RNFT1: variants seen among roughly 807,000 people sequenced by gnomAD.
RNFT1 encodes the protein ring finger protein, transmembrane 1, also known as E3 ubiquitin-protein ligase RNFT1.
A neutral mutation model predicts 53.2 loss-of-function variants in RNFT1; 35 were observed. That is an observed-to-expected ratio of 0.66 (90% confidence interval 0.50 to 0.87). RNFT1 has a LOEUF of 0.87. Among genes scored for constraint, RNFT1 ranks in the 40% least tolerant of loss-of-function variants. RNFT1 has a pLI of 0.00. For missense variants in RNFT1, 421 were observed against 515.0 expected (o/e 0.82, Z 1.77); for synonymous variants, 141 against 172.8 (o/e 0.82, Z 1.44).
In RNFT1 at chr17:59,964,736, A is replaced by G. The variant is rs2045323837; in HGVS notation, c.-73T>C. 2.1e-6 allele frequency: 3 copies of G among 1,455,804 alleles called. No homozygotes were observed. The highest frequency in any genetic ancestry group is 2.7e-6 in the Non-Finnish European group (3 of 1,091,316). 90.2% of individuals were successfully genotyped at this position (1,455,804 alleles called of 1,614,324 possible). A position where few individuals can be genotyped will look rare whatever the true frequency, so the allele number is the denominator to read the frequency against. On this transcript the variant is annotated 5_prime_UTR_variant, in exon 1 of 9. Transcript: ENST00000305783. ...AAGCTCTTCTCTCAGCCCGGCGGCA[A>G]CGGCGGCGGCGCGCGCGCTCCCCGG... is the stretch of plus-strand genomic sequence containing the variant.
Position 59,963,229 on chromosome 17 carries a change from T to C in RNFT1, c.112A>G (p.Met38Val), listed in dbSNP as rs1170346394. 6.2e-7 allele frequency: 1 copy of C among 1,613,924 alleles called. No homozygotes were observed. The highest frequency in any genetic ancestry group is 8.5e-7 in the Non-Finnish European group (1 of 1,180,024). Residue 38 changes from methionine to valine, a missense_variant, in exon 2 of 9, where the codon ATG becomes GTG. Transcript: ENST00000305783. ...SGSEKKYLRA[M>V]QANRSQLHSP... is the part of the protein sequence containing the mutation. ...TGCAGTTGGCTACGATTGGCTTGCA[T>C]GGCCCTTAAATACTTTTTCTCTGAC... is the stretch of plus-strand genomic sequence containing the variant.
chr17:59,957,777 G>A (rs1224328154), intron 5 of RNFT1, among the ~76,000 whole-genome samples: 8 of 152,036 alleles, frequency 5.3e-5, no homozygotes, highest in Admixed American at 2.0e-4. Context: ...CCCAGGAGGC[G>A]GAGGTTGCAG....
intron 5 of RNFT1, 69 bp downstream of exon 5, chr17:59,958,222 A>C: frequency 6.9e-7 from 1 of 1,444,238 alleles, no homozygotes; most frequent in Non-Finnish European, 9.3e-7. Flanking sequence ...GATTCATTTA[A>C]ACAAAGACTA....
chr17:59,958,297 T>A lies in RNFT1; in HGVS notation c.840A>T (p.Lys280Asn), dbSNP rs1484827586. 6.3e-7 allele frequency: 1 copy of A among 1,591,036 alleles called. No homozygotes were observed. Among genetic ancestry groups the A allele is most frequent in the Admixed American group, 1.9e-5 (1 of 52,376 alleles). Reference sequence around the variant, plus strand: ...GCATAAGTGAGTTTCTTACCTTAGATTTAAAAGGCATGATGAAAGAAGGCA... The same window carrying A: ...GCATAAGTGAGTTTCTTACCTTAGAATTAAAAGGCATGATGAAAGAAGGCA... ...LLVPSFIMPF[K>N]SKGYWYMLLE... Residue 280 changes from lysine to asparagine, a missense_variant, in exon 5 of 9, where the codon AAA (lysine) becomes AAT (asparagine). Physicochemically the swap from Lys to Asn is moderately conservative, Grantham distance 94 (BLOSUM62 0). Coordinates refer to ENST00000305783, the MANE Select transcript of RNFT1 (RefSeq NM_016125.4).
At chr17:59,953,191 T>A (rs1410140972) in intron 8 of RNFT1, 80 bp from the exon 9 acceptor site, 20 of 57,872 alleles carry the variant, frequency 3.5e-4, no homozygotes, top group Middle Eastern at 2.8e-3. Context: ...AAAGGGATTC[T>A]TTTTTTTTTT....
chr17:59,953,999 C>A (rs779461386), intron 8 of RNFT1, 46 bp downstream of exon 8: 1 of 1,202,708 alleles, frequency 8.3e-7, no homozygotes, highest in Non-Finnish European at 1.2e-6. Flanking sequence ...TTGCAAGTCA[C>A]AGAGAACTGT....
chr17:59,953,189 T>TA, intron 8 of RNFT1, 78 bp from the exon 9 acceptor site: 29 of 1,107,062 alleles, frequency 2.6e-5, no homozygotes, highest in Non-Finnish European at 3.3e-5. Flanking sequence ...TGAAAGGGAT[T>TA]CTTTTTTTTT....
rs1374471317 is a variant in RNFT1, at chr17:59,962,831, T to C, written c.510A>G (p.Ile170Met). ...ILSVKLVMQHITGISLGIGLL... is the reference protein window; with the variant it reads ...ILSVKLVMQHMTGISLGIGLL... ...CAATGTTTTATTATGTCCTACCTGT[T>C]ATATGCTGCATAACAAGTTTGACGC... Residue 170 changes from isoleucine (I) to methionine (M), a missense_variant, in exon 2 of 9, where the codon ATA (isoleucine) becomes ATG (methionine). Ile to Met is a conservative substitution (Grantham distance 10, BLOSUM62 1). Transcript: ENST00000305783. The C allele has an allele frequency of 6.8e-6, 11 of 1,609,704 alleles. No individual in the cohort carries two copies. Among genetic ancestry groups the C allele is most frequent in the East Asian group, 2.2e-5 (1 of 44,786 alleles).
At chr17:59,956,451 G>T (rs751208395) in intron 7 of RNFT1, 37 bp downstream of exon 7, 3 of 1,455,620 alleles carry the variant, frequency 2.1e-6, no homozygotes, top group Non-Finnish European at 2.9e-6. Flanking sequence ...GTGAAGAAAG[G>T]TGAAGGTGTT....
At chr17:59,963,494 C>CA (rs372745973) in intron 1 of RNFT1, among the ~76,000 whole-genome samples, 6,641 of 142,966 alleles carry the variant, frequency 0.046, 485 homozygotes, top group African/African-American at 0.16. Context: ...ACATTTGCAC[C>CA]AAAAAAAAAA....
intron 7 of RNFT1, among the ~76,000 whole-genome samples, chr17:59,956,131 G>A (rs1400759790): frequency 6.6e-6 from 1 of 152,074 alleles, no homozygotes; most frequent in Non-Finnish European, 1.5e-5. Flanking sequence ...GAGTTAATAG[G>A]AACAAACAAA....
At chr17:59,958,182 A>G (rs1315937956) in intron 5 of RNFT1, 109 bp downstream of exon 5, 10 of 1,076,206 alleles carry the variant, frequency 9.3e-6, no homozygotes, top group Non-Finnish European at 1.3e-5. Context: ...TAATTAAGCT[A>G]GTTAGCAAAC....
intron 6 of RNFT1, among the ~76,000 whole-genome samples, chr17:59,956,923 AT>A (rs1175622824): frequency 6.6e-6 from 1 of 152,202 alleles, no homozygotes; most frequent in African/African-American, 2.4e-5. Flanking sequence ...TAGTTTAAGA[AT>A]TATGTGTATG....
chr17:59,963,260 T>TA lies in RNFT1; in HGVS notation c.80_81insT (p.Ser28IlefsTer16). 3 of 1,609,488 alleles carry TA rather than the reference T, an allele frequency of 1.9e-6. No individual in the cohort carries two copies. The highest frequency in any genetic ancestry group is 2.5e-6 in the Non-Finnish European group (3 of 1,177,482). On this transcript the variant is annotated frameshift_variant, in exon 2 of 9. Transcript: ENST00000305783. LOFTEE classifies it high-confidence loss of function. ...TTAAATACTTTTTCTCTGACCCAGA[T>TA]GTCTTTGCTTCAGGCCTCTGTCTCC...
chr17:59,953,012 C>T lies in RNFT1; in HGVS notation c.1273G>A (p.Asp425Asn). 3 of 1,613,482 alleles carry T rather than the reference C, an allele frequency of 1.9e-6. No homozygotes were observed. Among genetic ancestry groups the T allele is most frequent in the Non-Finnish European group, 2.5e-6 (3 of 1,179,762 alleles). ...VISDHINKWK[D>N]GATSSHLQIY Reference sequence around the variant, plus strand: ...TGAAGGTGTGATGAAGTGGCTCCATCCTTCCATTTGTTTATATGGTCTGAA... The same window carrying T: ...TGAAGGTGTGATGAAGTGGCTCCATTCTTCCATTTGTTTATATGGTCTGAA... The change falls in exon 9 of 9, where the codon GAT (aspartate) becomes AAT (asparagine). Residue 425 changes from aspartate to asparagine, a missense_variant. By Grantham distance (23) the Asp-to-Asn change is conservative (BLOSUM62 1). Coordinates refer to ENST00000305783, the MANE Select transcript of RNFT1 (RefSeq NM_016125.4).
At chr17:59,957,098 C>T in intron 6 of RNFT1, 126 bp downstream of exon 6, 1 of 931,630 alleles carries the variant, frequency 1.1e-6, no homozygotes. Flanking sequence ...AAATATAGAA[C>T]CTGCTATTAC....
chr17:59,953,874 A>T (rs1480410107), intron 8 of RNFT1, 171 bp downstream of exon 8: 7 of 470,194 alleles, frequency 1.5e-5, no homozygotes, highest in Non-Finnish European at 2.3e-5. Flanking sequence ...CATAAAAATT[A>T]TCAGAACATA....
rs1598868371 is a variant in RNFT1 at position 59,964,720 on chromosome 17, T to C, written c.-57A>G. ...CAACCGCAAACCCCGCAAGCTCTTC[T>C]CTCAGCCCGGCGGCAACGGCGGCGG... On this transcript the variant is annotated 5_prime_UTR_variant, in exon 1 of 9. Transcript: ENST00000305783. The C allele has an allele frequency of 1.3e-6, 2 of 1,520,456 alleles. No homozygotes were observed. The highest frequency in any genetic ancestry group is 2.1e-5 in the Admixed American group (1 of 48,314). 94.2% of individuals were successfully genotyped at this position (1,520,456 alleles called of 1,614,324 possible).
chr17:59,956,689 T>C, intron 6 of RNFT1, 136 bp from the exon 7 acceptor site: 1 of 626,964 alleles, frequency 1.6e-6, no homozygotes, highest in East Asian at 2.9e-5. Context: ...CTAATCATTT[T>C]GTGCTGAGTA....
Sources: allele counts gnomAD v4.1 joint callset (sites outside exome capture counted in the v4.1 genomes callset), GRCh38; gene constraint gnomAD v4.1.1; transcripts MANE v1.5; gene names NCBI Gene and HGNC (gene_info 2026-07-23, HGNC 2026-07-21).